The following SPAG16 variants were observed in gnomAD, a reference collection of about 807,000 sequenced individuals.
SPAG16 encodes sperm associated antigen 16.
SPAG16 carries 86 observed loss-of-function variants against 80.4 expected under a neutral mutation model. That is an observed-to-expected ratio of 1.07 (90% CI 0.90 to 1.28). The LOEUF is 1.28. Among genes scored for constraint, SPAG16 ranks in the 50% most tolerant of loss-of-function variants. The pLI, the probability that SPAG16 is intolerant of heterozygous loss-of-function variation, is 0.00. For missense variants in SPAG16, 870 were observed against 765.3 expected (o/e 1.14, Z -1.61); for synonymous variants, 294 against 265.9 (o/e 1.11, Z -1.03).
At chr2:213,464,783 G>T (rs1423816539) in intron 9 of SPAG16, among the ~76,000 whole-genome samples, 1 of 152,196 alleles carries the variant, frequency 6.6e-6, no homozygotes, top group Non-Finnish European at 1.5e-5. Context: ...CAGTTGGTAG[G>T]TTTTATCCTT....
chr2:213,862,143 T>C (rs1004358362), intron 10 of SPAG16, among the ~76,000 whole-genome samples: 1 of 152,180 alleles, frequency 6.6e-6, no homozygotes, highest in African/African-American at 2.4e-5. Flanking sequence ...TATCCCAACA[T>C]AAAAATACCA....
intron 9 of SPAG16, among the ~76,000 whole-genome samples, chr2:213,377,903 ATTTTT>A (rs200597218): frequency 0.049 from 1,012 of 20,690 alleles, 7 homozygotes; most frequent in South Asian, 0.2. Context: ...ATATATATAT[ATTTTT>A]TTTTTTTTTT....
intron 15 of SPAG16, among the ~76,000 whole-genome samples, chr2:214,334,867 C>G (rs1280564737): frequency 6.6e-6 from 1 of 152,188 alleles, no homozygotes; most frequent in African/African-American, 2.4e-5. Context: ...TCATTGCCAA[C>G]TGGTCTATGA....
chr2:214,212,879 T>A (rs2125753327), intron 15 of SPAG16, among the ~76,000 whole-genome samples: 1 of 152,342 alleles, frequency 6.6e-6, no homozygotes, highest in Middle Eastern at 3.4e-3. Flanking sequence ...AAATGCCACA[T>A]CTCTGTGCAC....
At chr2:213,564,388 G>C (rs1023118058) in intron 10 of SPAG16, among the ~76,000 whole-genome samples, 1 of 151,604 alleles carries the variant, frequency 6.6e-6, no homozygotes, top group Non-Finnish European at 1.5e-5. Context: ...CCAGCTACTC[G>C]AGAGGCTGAG....
At chr2:213,603,736 G>C (rs901680407) in intron 10 of SPAG16, among the ~76,000 whole-genome samples, 1 of 152,176 alleles carries the variant, frequency 6.6e-6, no homozygotes, top group Non-Finnish European at 1.5e-5. Context: ...ATGATGTATA[G>C]AATAAAATCC....
chr2:214,227,487 C>G (rs2058722397), intron 15 of SPAG16, among the ~76,000 whole-genome samples: 1 of 151,854 alleles, frequency 6.6e-6, no homozygotes, highest in South Asian at 2.1e-4. Context: ...GTTAGGACTC[C>G]AATATGTACT....
At chr2:213,468,592 GATAT>G (rs1214352874) in intron 9 of SPAG16, among the ~76,000 whole-genome samples, 2 of 129,986 alleles carry the variant, frequency 1.5e-5, no homozygotes, top group Non-Finnish European at 3.1e-5. Context: ...TATATATAGA[GATAT>G]ATATATCTAT....
intron 10 of SPAG16, among the ~76,000 whole-genome samples, chr2:213,678,970 G>A (rs994959019): frequency 2.6e-5 from 4 of 152,048 alleles, no homozygotes; most frequent in African/African-American, 9.7e-5. Flanking sequence ...AGGCTGTTCT[G>A]GGGAATGTGC....
chr2:213,701,716 T>G (rs1360940617), intron 10 of SPAG16, among the ~76,000 whole-genome samples: 3 of 152,300 alleles, frequency 2.0e-5, no homozygotes, highest in Non-Finnish European at 4.4e-5. Context: ...TTGGAGAACT[T>G]TTATGTCTAG....
intron 10 of SPAG16, among the ~76,000 whole-genome samples, chr2:213,528,313 G>T (rs2125874731): frequency 6.6e-6 from 1 of 151,866 alleles, no homozygotes; most frequent in South Asian, 2.1e-4. Flanking sequence ...CAGGGGGTGG[G>T]GGTAAGAATT....
At chr2:213,704,089 G>A (rs923493147) in intron 10 of SPAG16, among the ~76,000 whole-genome samples, 2 of 152,122 alleles carry the variant, frequency 1.3e-5, no homozygotes, top group African/African-American at 4.8e-5. Flanking sequence ...TTCCCTGTCT[G>A]TGTTTATTCA....
chr2:213,316,954 G>A (rs1266425936), intron 4 of SPAG16, among the ~76,000 whole-genome samples: 2 of 151,920 alleles, frequency 1.3e-5, no homozygotes, highest in Admixed American at 1.3e-4. Context: ...AGACATTTTT[G>A]TCAATTTTAA....
intron 15 of SPAG16, among the ~76,000 whole-genome samples, chr2:214,379,063 G>C (rs1304671734): frequency 6.6e-6 from 1 of 152,202 alleles, no homozygotes; most frequent in Non-Finnish European, 1.5e-5. Context: ...CTCTGGAGTA[G>C]ATTGACATCA....
intron 4 of SPAG16, among the ~76,000 whole-genome samples, chr2:213,313,990 TATGCCTTGGGTGCCACCATGA>T (rs1233769678): frequency 6.6e-6 from 1 of 151,920 alleles, no homozygotes; most frequent in East Asian, 1.9e-4. Flanking sequence ...TTTTACATCC[TATGCCTTGGGTGCCACCATGA>T]GGGAAAAATA....
intron 10 of SPAG16, among the ~76,000 whole-genome samples, chr2:213,793,538 C>G (rs2662661): frequency 0.97 from 147,525 of 152,256 alleles, 71,649 homozygotes; most frequent in East Asian, 1. Flanking sequence ...CAGTTTGTTT[C>G]TATGTGACAA....
intron 9 of SPAG16, among the ~76,000 whole-genome samples, chr2:213,403,116 C>T (rs1281431409): frequency 6.6e-6 from 1 of 152,030 alleles, no homozygotes; most frequent in Non-Finnish European, 1.5e-5. Flanking sequence ...TAATGATCGC[C>T]ATTCTAACTG....
intron 15 of SPAG16, among the ~76,000 whole-genome samples, chr2:214,258,558 A>G (rs949557665): frequency 6.6e-6 from 1 of 150,926 alleles, no homozygotes; most frequent in African/African-American, 2.4e-5. Flanking sequence ...TGGGCATTTC[A>G]ACTAGTTTCA....
chr2:214,383,460 G>C (rs1700570683), intron 15 of SPAG16, among the ~76,000 whole-genome samples: 2 of 151,664 alleles, frequency 1.3e-5, no homozygotes, highest in Non-Finnish European at 2.9e-5. Flanking sequence ...AGTCCCAGCT[G>C]CTTGGGAGGC....
Sources: gnomAD v4.1 joint callset for allele counts (sites outside exome capture counted in the v4.1 genomes callset) on GRCh38, gnomAD v4.1.1 for gene constraint, MANE v1.5 for transcripts, NCBI Gene and HGNC (gene_info 2026-07-23, HGNC 2026-07-21) for gene names.